Variants in RALYL observed in about 807,000 individuals in gnomAD.
RALYL encodes RALY RNA binding protein like, also known as RNA-binding Raly-like protein.
Under a neutral mutation model 35.1 loss-of-function variants are expected in RALYL, and 29 were observed. That is an observed-to-expected ratio of 0.83 (90% CI 0.61 to 1.13). The LOEUF (loss-of-function observed/expected upper bound fraction) is 1.13. Among genes scored for constraint, RALYL ranks in the 50% most tolerant of loss-of-function variants. The pLI is 0.00. For synonymous variants in RALYL, 120 were observed against 127.6 expected, an observed-to-expected ratio of 0.94 and a Z score of 0.40; for missense variants, 359 against 360.4, an observed-to-expected ratio of 1.00 and a Z score of 0.03.
chr8:84,786,531 T>A (rs1454988208), intron 3 of RALYL, among the ~76,000 whole-genome samples: 3 of 152,224 alleles, frequency 2.0e-5, no homozygotes, highest in Admixed American at 6.5e-5. Context: ...CTGACTGGCA[T>A]GAGATGATAT....
chr8:84,792,382 T>C (rs546171991), intron 3 of RALYL, among the ~76,000 whole-genome samples: 28 of 152,276 alleles, frequency 1.8e-4, no homozygotes, highest in African/African-American at 6.7e-4. Context: ...AAACTCCTCT[T>C]GGTGTACGGA....
chr8:84,604,471 C>T (rs1195399286), intron 2 of RALYL, among the ~76,000 whole-genome samples: 1 of 152,136 alleles, frequency 6.6e-6, no homozygotes, highest in Non-Finnish European at 1.5e-5. Context: ...CTGTCCCTAA[C>T]CCTGGTGCCA....
chr8:84,654,270 C>CATATATATGTAT (rs1829463521), intron 2 of RALYL, among the ~76,000 whole-genome samples: 3 of 44,478 alleles, frequency 6.7e-5, no homozygotes, highest in Non-Finnish European at 1.7e-4. Flanking sequence ...TCTCATGTTC[C>CATATATATGTAT]ATATATATAT....
chr8:84,418,629 C>A (rs188700507), intron 1 of RALYL, among the ~76,000 whole-genome samples: 265 of 152,108 alleles, frequency 1.7e-3, no homozygotes, highest in African/African-American at 6.2e-3. Context: ...TACCCTCACC[C>A]TCTCCCCCAG....
intron 2 of RALYL, among the ~76,000 whole-genome samples, chr8:84,584,796 GT>G (rs1352214974): frequency 1.3e-5 from 2 of 152,076 alleles, no homozygotes; most frequent in South Asian, 2.1e-4. Context: ...GGATCCCTAA[GT>G]TGAGAAAAAA....
chr8:84,638,871 AAT>A (rs71273908), intron 2 of RALYL, among the ~76,000 whole-genome samples: 968 of 84,990 alleles, frequency 0.011, 2 homozygotes, highest in African/African-American at 0.018. Context: ...TGCACGCATA[AAT>A]ATATATATAT....
chr8:84,862,930 A>G (rs781056578), intron 6 of RALYL, among the ~76,000 whole-genome samples: 3 of 152,240 alleles, frequency 2.0e-5, no homozygotes, highest in Non-Finnish European at 2.9e-5. Flanking sequence ...ATGATAAGAT[A>G]TATGTATCTG....
At chr8:84,579,455 G>A (rs547843067) in intron 2 of RALYL, among the ~76,000 whole-genome samples, 18 of 152,272 alleles carry the variant, frequency 1.2e-4, no homozygotes, top group African/African-American at 3.9e-4. Context: ...ACTTGGTAGG[G>A]GGCAGAGCTC....
chr8:84,647,720 A>T (rs1435918351), intron 2 of RALYL, among the ~76,000 whole-genome samples: 1 of 152,046 alleles, frequency 6.6e-6, no homozygotes, highest in East Asian at 1.9e-4. Context: ...ATGGAGGGAG[A>T]TACACAAGAA....
At chr8:84,243,847 A>C (rs990318874) in intron 1 of RALYL, among the ~76,000 whole-genome samples, 1 of 152,146 alleles carries the variant, frequency 6.6e-6, no homozygotes, top group Non-Finnish European at 1.5e-5. Flanking sequence ...GGAATCTTGC[A>C]CTATAAGTTA....
intron 2 of RALYL, among the ~76,000 whole-genome samples, chr8:84,769,796 A>C (rs1231178862): frequency 2.0e-5 from 3 of 152,154 alleles, no homozygotes; most frequent in African/African-American, 2.4e-5. Flanking sequence ...ATTTATCAAC[A>C]CATAATTTAC....
intron 1 of RALYL, among the ~76,000 whole-genome samples, chr8:84,500,522 A>G (rs2056540616): frequency 1.3e-5 from 2 of 152,198 alleles, no homozygotes; most frequent in South Asian, 4.1e-4. Flanking sequence ...TCATGATGAC[A>G]TTTAGAATCT....
At chr8:84,628,854 A>C (rs889821668) in intron 2 of RALYL, among the ~76,000 whole-genome samples, 2 of 152,128 alleles carry the variant, frequency 1.3e-5, no homozygotes, top group African/African-American at 2.4e-5. Context: ...ATGGTAAAAA[A>C]CAAAAATATT....
At chr8:84,563,952 A>G (rs2061618376) in intron 2 of RALYL, among the ~76,000 whole-genome samples, 2 of 151,904 alleles carry the variant, frequency 1.3e-5, no homozygotes, top group African/African-American at 4.8e-5. Flanking sequence ...TTTTACAGGT[A>G]TGTAAAAATG....
In RALYL at chr8:84,921,684, C is replaced by T. The variant is rs1262779301; in HGVS notation, c.*773C>T. ...TTAGTGCATACATCATGTCATTTCA[C>T]CTCCTGTTCCTAGGAACTCTCCATT... On this transcript the variant is annotated 3_prime_UTR_variant, in exon 9 of 9. Coordinates refer to ENST00000521268, the MANE Select transcript of RALYL (RefSeq NM_173848.7). The T allele has an allele frequency of 6.6e-6, 1 of 152,178 alleles. No homozygotes were observed. Among genetic ancestry groups the T allele is most frequent in the Non-Finnish European group, 1.5e-5 (1 of 68,020 alleles). The allele number at this position is 152,178 out of a possible 1,614,324, so 9.4% of individuals were successfully genotyped here. A position where few individuals can be genotyped will look rare whatever the true frequency, so the allele number is the denominator to read the frequency against.
chr8:84,585,699 C>CT (rs752994781), intron 2 of RALYL, among the ~76,000 whole-genome samples: 96 of 152,086 alleles, frequency 6.3e-4, no homozygotes, highest in Non-Finnish European at 1.0e-3. Flanking sequence ...CCAAAATGCC[C>CT]TTTTTTTATA....
chr8:84,472,235 A>G (rs901251350), intron 1 of RALYL, among the ~76,000 whole-genome samples: 2 of 152,208 alleles, frequency 1.3e-5, no homozygotes, highest in African/African-American at 4.8e-5. Flanking sequence ...ATCCCTGGCT[A>G]TGCAAATTTG....
At chr8:84,882,896 T>C (rs930416081) in intron 7 of RALYL, among the ~76,000 whole-genome samples, 5 of 152,210 alleles carry the variant, frequency 3.3e-5, no homozygotes, top group Non-Finnish European at 5.9e-5. Flanking sequence ...AAAGAACAAG[T>C]TGCTTTATCT....
intron 2 of RALYL, among the ~76,000 whole-genome samples, chr8:84,542,316 C>T (rs1312711600): frequency 6.6e-6 from 1 of 152,016 alleles, no homozygotes; most frequent in African/African-American, 2.4e-5. Context: ...AATATTTCAG[C>T]ATGCATGTGT....
Sources: gnomAD v4.1 joint callset for allele counts (sites outside exome capture counted in the v4.1 genomes callset) on GRCh38, gnomAD v4.1.1 for gene constraint, MANE v1.5 for transcripts, NCBI Gene and HGNC (gene_info 2026-07-23, HGNC 2026-07-21) for gene names.